Variants in SLCO1B3 observed in about 807,000 individuals in gnomAD.
SLCO1B3 encodes the protein liver-specific organic anion transporter 2.
Under a neutral mutation model 71.8 loss-of-function variants are expected in SLCO1B3, and 72 were observed. That is an observed-to-expected ratio of 1.00 (90% CI 0.83 to 1.22). The LOEUF is 1.22. Ranked by LOEUF, SLCO1B3 falls within the 50% of genes most tolerant of loss-of-function variation. The pLI is 0.00. For synonymous variants in SLCO1B3, 298 were observed against 278.4 expected, an observed-to-expected ratio of 1.07 and a Z score of -0.70; for missense variants, 911 against 819.7, an observed-to-expected ratio of 1.11 and a Z score of -1.36.
chr12:20,821,984 G>T (rs1253236471), intron 3 of SLCO1B3, among the ~76,000 whole-genome samples: 3 of 152,200 alleles, frequency 2.0e-5, no homozygotes, highest in African/African-American at 7.2e-5. Context: ...AAAGGAGAAA[G>T]AGGTTGAGGG....
In SLCO1B3 at chr12:20,877,814, A is replaced by G. The variant is rs1325479491; in HGVS notation, c.1013A>G (p.Tyr338Cys). The stretch of plus-strand genomic sequence containing the variant: ...AAAAGCATCCTTACCAATCCCCTGT[A>G]TGTTATATTTCTGCTTTTGACATTG... The part of the protein sequence containing the change: ...SLKSILTNPL[Y>C]VIFLLLTLLQ... Residue 338 changes from tyrosine (Y) to cysteine (C), a missense_variant, in exon 10 of 16, where the codon TAT becomes TGT. Tyr to Cys is a radical substitution (Grantham distance 194). Coordinates refer to ENST00000381545, the MANE Select transcript of SLCO1B3 (RefSeq NM_019844.4). 5.1e-6 allele frequency: 8 copies of G among 1,561,256 alleles called. No homozygotes were observed. The highest frequency in any genetic ancestry group is 1.7e-4 in the Middle Eastern group (1 of 5,888).
chr12:20,826,873 AT>A (rs890341758), intron 3 of SLCO1B3, among the ~76,000 whole-genome samples: 1 of 152,028 alleles, frequency 6.6e-6, no homozygotes, highest in African/African-American at 2.4e-5. Context: ...ATAAGAACAT[AT>A]TTTTTAGAAA....
At chr12:20,840,847 G>T (rs1047209393) in intron 3 of SLCO1B3, among the ~76,000 whole-genome samples, 1 of 151,984 alleles carries the variant, frequency 6.6e-6, no homozygotes. Context: ...TTTCCTGAGG[G>T]CAAGTCTCAT....
chr12:20,867,244 A>G (rs77406826), intron 8 of SLCO1B3, among the ~76,000 whole-genome samples: 4,260 of 152,228 alleles, frequency 0.028, 97 homozygotes, highest in East Asian at 0.092. Context: ...GAGAACCCCA[A>G]TAGAGAGAAC....
chr12:20,818,085 T>A (rs935732373), intron 3 of SLCO1B3, among the ~76,000 whole-genome samples: 1 of 152,078 alleles, frequency 6.6e-6, no homozygotes, highest in East Asian at 1.9e-4. Flanking sequence ...ACAGTCTAAG[T>A]TGGTCTGGTG....
At chr12:20,832,121 A>G (rs1864553643) in intron 3 of SLCO1B3, among the ~76,000 whole-genome samples, 1 of 152,156 alleles carries the variant, frequency 6.6e-6, no homozygotes, top group Non-Finnish European at 1.5e-5. Flanking sequence ...TTGTGCTATT[A>G]GTACCTTTAA....
rs373072758 is a variant in SLCO1B3, at chr12:20,875,455, A to T, written c.948A>T (p.Lys316Asn). 1 of 1,601,838 alleles carries T rather than the reference A, an allele frequency of 6.2e-7. No individual in the cohort carries two copies. Among genetic ancestry groups the T allele is most frequent in the African/African-American group, 1.4e-5 (1 of 73,886 alleles). ...NQTANLTNQGKNVTKNVTGFF... is the reference protein window; with the variant it reads ...NQTANLTNQGNNVTKNVTGFF... ...CAGCTAATTTGACCAACCAAGGAAA[A>T]AATGTTACCAAAAATGTGACTGGTA... is the stretch of plus-strand genomic sequence containing the variant. The change falls in exon 9 of 16, where the codon AAA becomes AAT. Residue 316 changes from lysine (K) to asparagine (N), a missense_variant. By Grantham distance (94) the Lys-to-Asn change is moderately conservative. Coordinates refer to ENST00000381545, the MANE Select transcript of SLCO1B3 (RefSeq NM_019844.4).
chr12:20,908,028 A>G (rs1051191529), intron 15 of SLCO1B3, among the ~76,000 whole-genome samples: 3 of 152,194 alleles, frequency 2.0e-5, no homozygotes, highest in Non-Finnish European at 4.4e-5. Context: ...TAGTTTCAGT[A>G]TGAAAAGGCC....
At chr12:20,903,107 G>A (rs1866163769) in intron 15 of SLCO1B3, among the ~76,000 whole-genome samples, 1 of 149,606 alleles carries the variant, frequency 6.7e-6, no homozygotes, top group Non-Finnish European at 1.5e-5. Flanking sequence ...AACATCAAAT[G>A]CTAGCAAGAA....
At chr12:20,817,467 C>T (rs1417515902) in intron 3 of SLCO1B3, among the ~76,000 whole-genome samples, 2 of 152,050 alleles carry the variant, frequency 1.3e-5, no homozygotes, top group African/African-American at 2.4e-5. Context: ...TTCCTGGCAC[C>T]TTTGTCAAGA....
intron 4 of SLCO1B3, 81 bp downstream of exon 4, chr12:20,855,250 G>T (rs986685165): frequency 8.3e-7 from 1 of 1,207,930 alleles, no homozygotes; most frequent in Non-Finnish European, 1.2e-6. Context: ...TATATCACTG[G>T]GTCTGGACTA....
intron 3 of SLCO1B3, among the ~76,000 whole-genome samples, chr12:20,835,533 A>G (rs1355771076): frequency 6.6e-6 from 1 of 152,182 alleles, no homozygotes; most frequent in Non-Finnish European, 1.5e-5. Context: ...TCTCTAGGGC[A>G]GAGGCAAAAT....
intron 3 of SLCO1B3, among the ~76,000 whole-genome samples, chr12:20,841,858 G>T (rs1864810665): frequency 6.7e-6 from 1 of 149,296 alleles, no homozygotes; most frequent in Non-Finnish European, 1.5e-5. Context: ...TGAGAAAAAT[G>T]CATATTCTTT....
chr12:20,914,099 G>A (rs1475653989), intron 15 of SLCO1B3, among the ~76,000 whole-genome samples: 1 of 152,020 alleles, frequency 6.6e-6, no homozygotes, highest in Non-Finnish European at 1.5e-5. Flanking sequence ...TTATATCATT[G>A]ACATTCAAAG....
chr12:20,912,625 G>C (rs1866407751), intron 15 of SLCO1B3, among the ~76,000 whole-genome samples: 1 of 151,102 alleles, frequency 6.6e-6, no homozygotes, highest in African/African-American at 2.4e-5. Flanking sequence ...CCAGGTTCAA[G>C]TGATTCTCCT....
chr12:20,908,413 G>T (rs1012306231), intron 15 of SLCO1B3, among the ~76,000 whole-genome samples: 4 of 152,096 alleles, frequency 2.6e-5, no homozygotes, highest in Admixed American at 1.3e-4. Flanking sequence ...TTTACATCAG[G>T]TTTCACATTT....
At position 20,841,384 on chromosome 12, in the gene SLCO1B3, C is replaced by G. The variant is rs536402373; in HGVS notation, c.85-13644C>G. 1.2e-4 allele frequency among the ~76,000 whole-genome samples: 19 copies of G among 152,190 alleles called. No individual in the cohort carries two copies. In the South Asian group the frequency reaches 3.9e-3, roughly 32 times the overall value. On this transcript the variant is annotated intron_variant, in intron 3 of 15. Coordinates refer to ENST00000381545, the MANE Select transcript of SLCO1B3 (RefSeq NM_019844.4). ...TTCACTTATCTCATGTCTTATCAGT[C>G]CTAAACTTGTACTTAAAATTCCACT...
At chr12:20,840,116 C>T (rs746956427) in intron 3 of SLCO1B3, among the ~76,000 whole-genome samples, 8 of 152,148 alleles carry the variant, frequency 5.3e-5, no homozygotes, top group Non-Finnish European at 1.2e-4. Flanking sequence ...TTTAAATTCC[C>T]AGTCTGATAA....
At chr12:20,831,023 A>G (rs1864527148) in intron 3 of SLCO1B3, among the ~76,000 whole-genome samples, 1 of 152,258 alleles carries the variant, frequency 6.6e-6, no homozygotes, top group African/African-American at 2.4e-5. Context: ...GCTAGGAGTT[A>G]GGAAGATAGC....
Sources: gnomAD v4.1 joint callset for allele counts (sites outside exome capture counted in the v4.1 genomes callset) on GRCh38, gnomAD v4.1.1 for gene constraint, MANE v1.5 for transcripts, NCBI Gene and HGNC (gene_info 2026-07-23, HGNC 2026-07-21) for gene names.